The following ANKRD11 variants were observed in gnomAD, a reference collection of about 807,000 sequenced individuals.
ANKRD11 encodes ankyrin repeat domain-containing protein 11.
A neutral mutation model predicts 195.7 loss-of-function variants in ANKRD11; 17 were observed. The observed-to-expected ratio is 0.09, with a 90% CI of 0.06 to 0.13. The LOEUF is 0.13. ANKRD11 is among the 10% of genes least tolerant of loss of function. The probability of loss-of-function intolerance (pLI) is 1.00; values close to 1 mark genes in which losing one functional copy is unlikely to be tolerated. For synonymous variants in ANKRD11, 1,953 were observed against 1,528.1 expected (o/e 1.28, Z -6.49); for missense variants, 3,735 against 3,566.1 (o/e 1.05, Z -1.21).
chr16:89,268,787 C>A lies in ANKRD11; in HGVS notation c.7807-124G>T, dbSNP rs1312203530. ...GCCGTGAACCTACCCTGGTATGGGC[C>A]AGGCCCAGCTGTACCCGCTCCTGGC... On this transcript the variant is annotated intron_variant, in intron 12 of 12. Transcript: ENST00000301030. 5 of 1,147,204 alleles carry A rather than the reference C, an allele frequency of 4.4e-6. No individual in the cohort carries two copies. The East Asian group carries it at 1.3e-4, about 30-fold the overall frequency. 71.1% of individuals were successfully genotyped at this position (1,147,204 alleles called of 1,614,324 possible). A position where few individuals can be genotyped will look rare whatever the true frequency, so the allele number is the denominator to read the frequency against.
chr16:89,445,530 C>T (rs150088990), intron 1 of ANKRD11, among the ~76,000 whole-genome samples: 9 of 152,292 alleles, frequency 5.9e-5, no homozygotes, highest in Non-Finnish European at 1.0e-4. Flanking sequence ...GATGATCCGT[C>T]CTCCAAATGC....
chr16:89,341,897 T>TCCA (rs141007120), intron 2 of ANKRD11, among the ~76,000 whole-genome samples: 547 of 136,528 alleles, frequency 4.0e-3, no homozygotes, highest in African/African-American at 0.015. Context: ...GTGCTGCACC[T>TCCA]CCACCCACAG....
rs1567558717 is a variant in ANKRD11 at position 89,280,339 on chromosome 16, T to C, written c.6203A>G (p.Asn2068Ser). ...PPSGLESFFS[N>S]CKSLPEAPLD... is the part of the protein sequence containing the mutation. Reference sequence around the variant, plus strand: ...CGGGGCTTCCGGAAGTGACTTGCAGTTGCTGAAGAAGGACTCCAGCCCGGA... The same window carrying C: ...CGGGGCTTCCGGAAGTGACTTGCAGCTGCTGAAGAAGGACTCCAGCCCGGA... Residue 2068 changes from asparagine (N) to serine (S), a missense_variant, in exon 9 of 13, where the codon AAC becomes AGC. By Grantham distance (46) the Asn-to-Ser change is conservative (BLOSUM62 1). Coordinates refer to ENST00000301030, the MANE Select transcript of ANKRD11 (RefSeq NM_013275.6). The C allele has an allele frequency of 7.0e-6, 11 of 1,578,862 alleles. No individual in the cohort carries two copies. Among genetic ancestry groups the C allele is most frequent in the Non-Finnish European group, 8.6e-7 (1 of 1,162,566 alleles).
At chr16:89,417,332 C>G (rs1456142401) in intron 2 of ANKRD11, among the ~76,000 whole-genome samples, 1 of 152,240 alleles carries the variant, frequency 6.6e-6, no homozygotes, top group Non-Finnish European at 1.5e-5. Context: ...AACCATGACT[C>G]ACACCTGGCC....
intron 1 of ANKRD11, among the ~76,000 whole-genome samples, chr16:89,479,810 G>A (rs1052301170): frequency 6.6e-6 from 1 of 151,768 alleles, no homozygotes; most frequent in Non-Finnish European, 1.5e-5. Flanking sequence ...GGGGGTGGTG[G>A]CAGGTGCCTG....
At chr16:89,474,109 C>A (rs1005157481) in intron 1 of ANKRD11, among the ~76,000 whole-genome samples, 1 of 152,176 alleles carries the variant, frequency 6.6e-6, no homozygotes, top group Admixed American at 6.5e-5. Flanking sequence ...CCACAATCAG[C>A]AAGAGATAAC....
Position 89,459,309 on chromosome 16 carries a change from C to T in ANKRD11, c.-145+30936G>A, listed in dbSNP as rs374493390. On this transcript the variant is annotated intron_variant, in intron 1 of 12. Coordinates refer to ENST00000301030, the MANE Select transcript of ANKRD11 (RefSeq NM_013275.6). ...CAGAGAGAGCTTGGAAAAGAGAATT[C>T]AGACCCATCTTCAAGTTAACAAAAA... The T allele has an allele frequency of 9.0e-5, 15 of 167,548 alleles. No homozygotes were observed. The East Asian group carries it at 2.1e-3, about 23-fold the overall frequency. 10.4% of individuals were successfully genotyped at this position (167,548 alleles called of 1,614,324 possible).
rs1479442876 is a variant in ANKRD11, at chr16:89,268,683, G to C, written c.7807-20C>G. 6.4e-7 allele frequency: 1 copy of C among 1,571,194 alleles called. No individual in the cohort carries two copies. The highest frequency in any genetic ancestry group is 8.6e-7 in the Non-Finnish European group (1 of 1,158,234). On this transcript the variant is annotated intron_variant, in intron 12 of 12. Coordinates refer to ENST00000301030, the MANE Select transcript of ANKRD11 (RefSeq NM_013275.6). ...GCAAGTCTGCGGGACACACAGCGGG[G>C]AGAGGAGGGAGGAGGAGTGAAGGGA...
chr16:89,351,157 C>G (rs1410857723), intron 2 of ANKRD11, among the ~76,000 whole-genome samples: 1 of 152,196 alleles, frequency 6.6e-6, no homozygotes, highest in African/African-American at 2.4e-5. Flanking sequence ...CACAAGAGCT[C>G]GTCAAGAGCA....
intron 1 of ANKRD11, among the ~76,000 whole-genome samples, chr16:89,488,031 G>C (rs1436474871): frequency 6.6e-6 from 1 of 152,114 alleles, no homozygotes; most frequent in African/African-American, 2.4e-5. Context: ...AAGTCAGAAG[G>C]CTGACGCAAA....
In ANKRD11 at chr16:89,278,977, G is replaced by C. The variant is rs779279436; in HGVS notation, c.7470+95C>G. ...AAGGTCGAGAGAGGTCAAGGGCCAT[G>C]AGTGGGACAAGACGGGCTGGAGGAA... On this transcript the variant is annotated intron_variant, in intron 9 of 12. Coordinates refer to ENST00000301030, the MANE Select transcript of ANKRD11 (RefSeq NM_013275.6). 3.9e-6 allele frequency: 6 copies of C among 1,546,872 alleles called. No homozygotes were observed. In the South Asian group the frequency reaches 7.1e-5, roughly 18 times the overall value.
In ANKRD11 at chr16:89,402,805, T is replaced by G. The variant is rs995517792; in HGVS notation, c.-60+15479A>C. On this transcript the variant is annotated intron_variant, in intron 2 of 12. Transcript: ENST00000301030. ...GTGGGATGAGGTGAGGTGGGGGTTC[T>G]GCGGAATGAGGTTGGGGGGGCGGCA... is the stretch of plus-strand genomic sequence containing the variant. Among the ~76,000 whole-genome samples, 185 of 60,494 alleles carry G rather than the reference T, an allele frequency of 3.1e-3. 1 individual carries two copies. Among genetic ancestry groups the G allele is most frequent in the African/African-American group, 0.012 (175 of 14,844 alleles). 39.7% of individuals were successfully genotyped at this position (60,494 alleles called of 152,430 possible). A position where few individuals can be genotyped will look rare whatever the true frequency, so the allele number is the denominator to read the frequency against.
intron 11 of ANKRD11, chr16:89,273,031 G>A (rs1337503236): frequency 7.5e-6 from 1 of 133,208 alleles, no homozygotes; most frequent in East Asian, 2.4e-4. Flanking sequence ...AGGTAGAAGT[G>A]GTTAATGGGT....
At chr16:89,458,629 G>C (rs894479428) in intron 1 of ANKRD11, among the ~76,000 whole-genome samples, 10 of 152,284 alleles carry the variant, frequency 6.6e-5, no homozygotes, top group South Asian at 2.1e-4. Flanking sequence ...CATCACTCTG[G>C]CAAGTTCAGA....
At chr16:89,287,939 T>C (rs3114919) in intron 7 of ANKRD11, 298,537 of 428,810 alleles carry the variant, frequency 0.7, 108,167 homozygotes, top group Middle Eastern at 0.79. Flanking sequence ...GGAGCTCTGA[T>C]GAAGACATCA....
At chr16:89,391,671 T>G (rs1434561283) in intron 2 of ANKRD11, among the ~76,000 whole-genome samples, 1 of 152,200 alleles carries the variant, frequency 6.6e-6, no homozygotes, top group Non-Finnish European at 1.5e-5. Flanking sequence ...ATGATTTTAA[T>G]ACCCTGTTCT....
At chr16:89,405,458 G>A (rs1305515189) in intron 2 of ANKRD11, among the ~76,000 whole-genome samples, 2 of 150,000 alleles carry the variant, frequency 1.3e-5, no homozygotes, top group Admixed American at 6.6e-5. Context: ...CCAACTAGCT[G>A]TGACTACAGG....
intron 3 of ANKRD11, among the ~76,000 whole-genome samples, chr16:89,314,129 T>C (rs2036791835): frequency 6.6e-6 from 1 of 151,886 alleles, no homozygotes; most frequent in African/African-American, 2.4e-5. Flanking sequence ...GAGGCTGAAG[T>C]AGGAGGACTG....
At chr16:89,330,142 C>T (rs2037971488) in intron 2 of ANKRD11, among the ~76,000 whole-genome samples, 1 of 152,044 alleles carries the variant, frequency 6.6e-6, no homozygotes, top group East Asian at 1.9e-4. Flanking sequence ...GGATTTAAAG[C>T]ATTCAATATA....
Sources: gnomAD v4.1 joint callset for allele counts (sites outside exome capture counted in the v4.1 genomes callset) on GRCh38, gnomAD v4.1.1 for gene constraint, MANE v1.5 for transcripts, NCBI Gene and HGNC (gene_info 2026-07-23, HGNC 2026-07-21) for gene names.